Variants in MAF observed in about 807,000 individuals in gnomAD.
MAF encodes MAF bZIP transcription factor, also known as transcription factor Maf.
MAF carries 10 observed loss-of-function variants against 22.0 expected under a neutral mutation model. The ratio of observed to expected loss-of-function variants is 0.45; its 90% CI spans 0.28 to 0.77. MAF has a LOEUF of 0.77. Among genes scored for constraint, MAF ranks in the 30% least tolerant of loss-of-function variants. The pLI is 0.12. For missense variants in MAF, 544 were observed against 548.4 expected, an observed-to-expected ratio of 0.99 and a Z score of 0.08; for synonymous variants, 337 against 255.8, an observed-to-expected ratio of 1.32 and a Z score of -3.03.
the MAF span, among the ~76,000 whole-genome samples, chr16:79,275,863 A>C: frequency 0.95 from 143,825 of 152,182 alleles, 68,006 homozygotes; most frequent in East Asian, 1. Flanking sequence ...CAGGCCAGGC[A>C]GGGTGCGGGG....
At chr16:79,259,227 G>A in the MAF span, among the ~76,000 whole-genome samples, 2 of 152,048 alleles carry the variant, frequency 1.3e-5, no homozygotes, top group African/African-American at 2.4e-5. Context: ...AGTCCCCTTG[G>A]CCTTCTGTCT....
chr16:79,393,000 A>G, the MAF span, among the ~76,000 whole-genome samples: 1 of 152,176 alleles, frequency 6.6e-6, no homozygotes, highest in Non-Finnish European at 1.5e-5. Context: ...AAGAACAATT[A>G]AAAGACTCTC....
At chr16:79,288,826 T>G in the MAF span, among the ~76,000 whole-genome samples, 1 of 152,112 alleles carries the variant, frequency 6.6e-6, no homozygotes, top group African/African-American at 2.4e-5. Context: ...TCCTCCCAGG[T>G]TCAAGCAATT....
At chr16:79,504,890 C>A in the MAF span, among the ~76,000 whole-genome samples, 5,862 of 152,280 alleles carry the variant, frequency 0.038, 358 homozygotes, top group African/African-American at 0.13. Context: ...TACGAACACA[C>A]ACATTCACAA....
At chr16:79,345,886 TA>T in the MAF span, among the ~76,000 whole-genome samples, 2 of 151,866 alleles carry the variant, frequency 1.3e-5, no homozygotes, top group African/African-American at 2.4e-5. Flanking sequence ...TTTGTTTACT[TA>T]TTTTTTTTTT....
At chr16:79,556,608 A>G in the MAF span, among the ~76,000 whole-genome samples, 3 of 152,234 alleles carry the variant, frequency 2.0e-5, no homozygotes, top group Non-Finnish European at 2.9e-5. Context: ...TTATGGGGAC[A>G]AGGGTTGAGC....
At chr16:79,264,782 C>G in the MAF span, among the ~76,000 whole-genome samples, 1 of 152,208 alleles carries the variant, frequency 6.6e-6, no homozygotes, top group Non-Finnish European at 1.5e-5. Flanking sequence ...CCTCACCCCA[C>G]CAGTTTCCCA....
the MAF span, among the ~76,000 whole-genome samples, chr16:79,233,107 T>C: frequency 6.6e-6 from 1 of 151,962 alleles, no homozygotes; most frequent in African/African-American, 2.4e-5. Flanking sequence ...CCCAAAGTGC[T>C]GGGATTATAG....
the MAF span, among the ~76,000 whole-genome samples, chr16:79,456,663 T>G: frequency 6.6e-6 from 1 of 152,194 alleles, no homozygotes; most frequent in African/African-American, 2.4e-5. Context: ...AGAAGTCATC[T>G]TGAGCTGAGC....
the MAF span, among the ~76,000 whole-genome samples, chr16:79,509,650 C>T: frequency 6.6e-6 from 1 of 152,252 alleles, no homozygotes; most frequent in Non-Finnish European, 1.5e-5. Context: ...GCCTGCGTTA[C>T]CTTGGCCTGA....
chr16:79,473,660 G>A, the MAF span, among the ~76,000 whole-genome samples: 1 of 152,150 alleles, frequency 6.6e-6, no homozygotes, highest in Non-Finnish European at 1.5e-5. Flanking sequence ...CACGGGGTGA[G>A]CATGTCTTTA....
At chr16:79,521,152 C>T in the MAF span, among the ~76,000 whole-genome samples, 4 of 152,310 alleles carry the variant, frequency 2.6e-5, no homozygotes, top group East Asian at 5.8e-4. Flanking sequence ...GGAGCACAGG[C>T]AGTTAAAGTG....
At chr16:79,391,577 C>G in the MAF span, among the ~76,000 whole-genome samples, 3 of 152,086 alleles carry the variant, frequency 2.0e-5, no homozygotes, top group East Asian at 5.8e-4. Flanking sequence ...GTGGTTAGAC[C>G]ACGAAGAGAA....
At chr16:79,276,453 C>A in the MAF span, among the ~76,000 whole-genome samples, 1 of 152,158 alleles carries the variant, frequency 6.6e-6, no homozygotes, top group Non-Finnish European at 1.5e-5. Flanking sequence ...CTTAGGGACA[C>A]GTCTCCATTA....
At chr16:79,395,431 T>A in the MAF span, among the ~76,000 whole-genome samples, 2 of 152,110 alleles carry the variant, frequency 1.3e-5, no homozygotes, top group African/African-American at 4.8e-5. Context: ...TATTTGGAAA[T>A]AGGCTCTTTG....
chr16:79,382,757 T>C, the MAF span, among the ~76,000 whole-genome samples: 3 of 152,152 alleles, frequency 2.0e-5, no homozygotes, highest in African/African-American at 4.8e-5. Context: ...TTGAAGAAAA[T>C]AAAAATGTGC....
chr16:79,271,405 G>C, the MAF span, among the ~76,000 whole-genome samples: 1 of 152,184 alleles, frequency 6.6e-6, no homozygotes, highest in Admixed American at 6.5e-5. Flanking sequence ...ATTTGGTGCA[G>C]CTGCACAAAT....
the MAF span, among the ~76,000 whole-genome samples, chr16:79,443,664 C>G: frequency 9.2e-5 from 14 of 152,226 alleles, no homozygotes; most frequent in African/African-American, 2.7e-4. Context: ...GTGTGGGCCC[C>G]GTGGAGGGGG....
the MAF span, among the ~76,000 whole-genome samples, chr16:79,368,907 TTTC>T: frequency 2.0e-5 from 3 of 152,228 alleles, no homozygotes; most frequent in African/African-American, 7.2e-5. Context: ...CCTGCTTATA[TTTC>T]TTCATTTGAA....
Sources: gnomAD v4.1 joint callset for allele counts (sites outside exome capture counted in the v4.1 genomes callset) on GRCh38, gnomAD v4.1.1 for gene constraint, MANE v1.5 for transcripts, NCBI Gene and HGNC (gene_info 2026-07-23, HGNC 2026-07-21) for gene names.